The following TFDP2 variants were observed in gnomAD, a reference collection of about 807,000 sequenced individuals.
TFDP2 encodes transcription factor Dp-2 (E2F dimerization partner 2).
Under a neutral mutation model 59.3 loss-of-function variants are expected in TFDP2, and 17 were observed. That is an observed-to-expected ratio of 0.29 (90% confidence interval 0.20 to 0.43). The LOEUF is 0.43. Among genes scored for constraint, TFDP2 ranks in the 20% least tolerant of loss-of-function variants. The probability of loss-of-function intolerance (pLI) is 1.00; values close to 1 mark genes in which losing one functional copy is unlikely to be tolerated. For missense variants in TFDP2, 391 were observed against 528.8 expected (o/e 0.74, Z 2.56); for synonymous variants, 180 against 194.7 (o/e 0.92, Z 0.63).
chr3:142,002,096 G>A (rs1244207195), intron 4 of TFDP2, among the ~76,000 whole-genome samples: 1 of 151,094 alleles, frequency 6.6e-6, no homozygotes, highest in Non-Finnish European at 1.5e-5. Context: ...CCAGATTCGA[G>A]TGATCTTCCT....
At chr3:141,980,547 T>G (rs1941372235) in intron 6 of TFDP2, among the ~76,000 whole-genome samples, 1 of 152,108 alleles carries the variant, frequency 6.6e-6, no homozygotes, top group African/African-American at 2.4e-5. Context: ...GTGTTTTTTT[T>G]GTTTGTTTGT....
intron 2 of TFDP2, among the ~76,000 whole-genome samples, chr3:142,099,419 G>A (rs916024158): frequency 5.3e-5 from 8 of 151,988 alleles, no homozygotes; most frequent in East Asian, 1.9e-4. Flanking sequence ...GAAATGACCC[G>A]GGCCAGGCGC....
intron 4 of TFDP2, among the ~76,000 whole-genome samples, chr3:141,997,022 G>A (rs1459947363): frequency 2.0e-5 from 3 of 152,128 alleles, no homozygotes; most frequent in African/African-American, 7.2e-5. Context: ...ATCAAATTCT[G>A]CCTTGCATTC....
At chr3:141,994,667 G>A (rs1309355602) in intron 5 of TFDP2, 1 of 157,088 alleles carries the variant, frequency 6.4e-6, no homozygotes, top group Admixed American at 6.5e-5. Flanking sequence ...TCTGAGTATA[G>A]CCAACACTTA....
intron 1 of TFDP2, among the ~76,000 whole-genome samples, chr3:142,142,780 A>C (rs1036272683): frequency 4.3e-4 from 65 of 152,352 alleles, no homozygotes; most frequent in African/African-American, 1.5e-3. Context: ...CAGAACAGAG[A>C]ATCCAGAAAC....
Position 141,947,464 on chromosome 3 carries a change from G to C in TFDP2, c.*5049C>G, listed in dbSNP as rs192753101. The C allele has an allele frequency of 2.2e-4, 33 of 152,186 alleles. No homozygotes were observed. In the South Asian group the frequency reaches 5.8e-3, roughly 27 times the overall value. 9.4% of individuals were successfully genotyped at this position (152,186 alleles called of 1,614,324 possible). The stretch of plus-strand genomic sequence containing the variant: ...GAGTCCTGCTCTGTCACCTGGGCTG[G>C]AGTGCAGTGGCGGGATCTTGGCTCA... On this transcript the variant is annotated 3_prime_UTR_variant, in exon 13 of 13. Transcript: ENST00000489671.
At chr3:141,960,498 T>C (rs1326021165) in intron 10 of TFDP2, among the ~76,000 whole-genome samples, 1 of 152,180 alleles carries the variant, frequency 6.6e-6, no homozygotes, top group Non-Finnish European at 1.5e-5. Context: ...ACACAGTCCT[T>C]CCGACTCCTA....
At chr3:142,050,284 A>T (rs562995599) in intron 3 of TFDP2, among the ~76,000 whole-genome samples, 14 of 151,400 alleles carry the variant, frequency 9.2e-5, no homozygotes, top group African/African-American at 2.2e-4. Context: ...AAATAATAAA[A>T]AAAAAAGATC....
chr3:141,972,785 G>C (rs944670510), intron 8 of TFDP2, among the ~76,000 whole-genome samples: 3 of 152,078 alleles, frequency 2.0e-5, no homozygotes, highest in Non-Finnish European at 4.4e-5. Context: ...TCAGAGATTT[G>C]CCTTGTATAA....
intron 1 of TFDP2, among the ~76,000 whole-genome samples, chr3:142,110,096 C>A (rs1378819390): frequency 6.6e-6 from 1 of 152,112 alleles, no homozygotes; most frequent in Admixed American, 6.5e-5. Context: ...ATTGCCCAGG[C>A]TGGTCTTGAA....
At chr3:142,122,734 G>A (rs2062093017) in intron 1 of TFDP2, among the ~76,000 whole-genome samples, 1 of 152,156 alleles carries the variant, frequency 6.6e-6, no homozygotes, top group African/African-American at 2.4e-5. Flanking sequence ...GGGCAAGACA[G>A]TATTCAGGGC....
chr3:142,129,447 A>C (rs1166814205), intron 1 of TFDP2, among the ~76,000 whole-genome samples: 1 of 152,196 alleles, frequency 6.6e-6, no homozygotes, highest in Non-Finnish European at 1.5e-5. Flanking sequence ...ATAAAAAGAC[A>C]GACATACTAG....
At chr3:142,093,592 G>A (rs1276767297) in intron 2 of TFDP2, among the ~76,000 whole-genome samples, 1 of 152,210 alleles carries the variant, frequency 6.6e-6, no homozygotes. Flanking sequence ...TGGCAGCCAT[G>A]AAGTTGCCAA....
At chr3:142,027,903 C>T (rs1305824793) in intron 3 of TFDP2, among the ~76,000 whole-genome samples, 2 of 152,138 alleles carry the variant, frequency 1.3e-5, no homozygotes. Context: ...AATGGTGCCA[C>T]CCACACTCTC....
intron 3 of TFDP2, among the ~76,000 whole-genome samples, chr3:142,056,590 C>A (rs1253322003): frequency 6.6e-6 from 1 of 152,006 alleles, no homozygotes; most frequent in Non-Finnish European, 1.5e-5. Flanking sequence ...TCTGGCAACC[C>A]TTGGTGGGAG....
intron 1 of TFDP2, among the ~76,000 whole-genome samples, chr3:142,119,353 G>C (rs2061957626): frequency 6.6e-6 from 1 of 151,998 alleles, no homozygotes; most frequent in Non-Finnish European, 1.5e-5. Flanking sequence ...CAAAAGCAAA[G>C]GAATTAGACT....
intron 1 of TFDP2, among the ~76,000 whole-genome samples, chr3:142,119,371 T>A (rs1363780059): frequency 2.6e-5 from 4 of 152,190 alleles, no homozygotes; most frequent in Non-Finnish European, 4.4e-5. Flanking sequence ...ACTAACATTG[T>A]ATTTCTCAAA....
intron 3 of TFDP2, among the ~76,000 whole-genome samples, chr3:142,067,875 G>A (rs1434944616): frequency 1.3e-5 from 2 of 151,902 alleles, no homozygotes; most frequent in African/African-American, 2.4e-5. Flanking sequence ...ATGGTGGCAC[G>A]TGCCTATAGT....
chr3:141,969,991 C>T lies in TFDP2; in HGVS notation c.732+82G>A, dbSNP rs933998415. ...GCTCACCACACACCACTCAGAGGCA[C>T]CACAATTAGAAAACACACTGACTCC... On this transcript the variant is annotated intron_variant, in intron 9 of 12. Coordinates refer to ENST00000489671, the MANE Select transcript of TFDP2 (RefSeq NM_001178139.2). The T allele has an allele frequency of 5.1e-6, 7 of 1,380,984 alleles. 1 individual carries two copies. Among genetic ancestry groups the T allele is most frequent in the African/African-American group, 4.2e-5 (3 of 70,626 alleles). 85.5% of individuals were successfully genotyped at this position (1,380,984 alleles called of 1,614,324 possible). A position where few individuals can be genotyped will look rare whatever the true frequency, so the allele number is the denominator to read the frequency against.
Sources: allele counts gnomAD v4.1 joint callset (sites outside exome capture counted in the v4.1 genomes callset), GRCh38; gene constraint gnomAD v4.1.1; transcripts MANE v1.5; gene names NCBI Gene and HGNC (gene_info 2026-07-23, HGNC 2026-07-21).